The following SCN11A variants were observed in gnomAD, a reference collection of about 807,000 sequenced individuals.
SCN11A encodes sodium channel protein type 11 subunit alpha.
In SCN11A, 122 loss-of-function variants were observed where a neutral mutation model predicts 162.2. The ratio of observed to expected loss-of-function variants is 0.75; its 90% CI spans 0.65 to 0.87. The LOEUF is 0.87. Ranked by LOEUF, SCN11A falls within the 40% of genes least tolerant of loss-of-function variation. The pLI is 0.00. For missense variants in SCN11A, 2,015 were observed against 2,181.6 expected (o/e 0.92, Z 1.52); for synonymous variants, 758 against 751.5 (o/e 1.01, Z -0.14).
At chr3:38,894,451 G>T in intron 19 of SCN11A, 82 bp downstream of exon 19, 1 of 1,121,794 alleles carries the variant, frequency 8.9e-7, no homozygotes, top group Non-Finnish European at 1.3e-6. Context: ...CTTGCATAGT[G>T]CCTAGAAAAG....
chr3:38,921,808 T>C (rs915851897), intron 9 of SCN11A, among the ~76,000 whole-genome samples: 1 of 152,176 alleles, frequency 6.6e-6, no homozygotes, highest in Non-Finnish European at 1.5e-5. Flanking sequence ...CATTCATTCA[T>C]TCATTCAAGA....
At chr3:38,885,807 C>A (rs936172141) in intron 20 of SCN11A, among the ~76,000 whole-genome samples, 1 of 152,198 alleles carries the variant, frequency 6.6e-6, no homozygotes, top group Non-Finnish European at 1.5e-5. Context: ...ATTTCTTTGG[C>A]CCTCCAGGAG....
At chr3:38,951,009 C>T (rs1020883249) in intron 4 of SCN11A, among the ~76,000 whole-genome samples, 2 of 152,280 alleles carry the variant, frequency 1.3e-5, no homozygotes, top group South Asian at 2.1e-4. Flanking sequence ...ACAGCCCTCG[C>T]TCGCTCTAGG....
intron 12 of SCN11A, among the ~76,000 whole-genome samples, 190 bp from the exon 13 acceptor site, chr3:38,909,384 G>A (rs1412143201): frequency 5.9e-5 from 9 of 152,038 alleles, no homozygotes; most frequent in Non-Finnish European, 1.0e-4. Context: ...TCAGTGGGGA[G>A]ATACTATCCA....
rs538307237 is a variant in SCN11A, at chr3:38,891,945, G to T, written c.2835+2588C>A. Among the ~76,000 whole-genome samples the T allele has an allele frequency of 3.3e-3, 464 of 141,474 alleles. 1 individual carries two copies. Among genetic ancestry groups the T allele is most frequent in the Middle Eastern group, 7.9e-3 (2 of 254 alleles). 92.8% of individuals were successfully genotyped at this position (141,474 alleles called of 152,430 possible). A position where few individuals can be genotyped will look rare whatever the true frequency, so the allele number is the denominator to read the frequency against. ...TCTAAGAAGCCCAATGAAACCCCAAGTAGAAAAAACACAAAGAGATCCACA... is the reference window on the plus strand; with the variant it reads ...TCTAAGAAGCCCAATGAAACCCCAATTAGAAAAAACACAAAGAGATCCACA... On this transcript the variant is annotated intron_variant, in intron 19 of 29. Coordinates refer to ENST00000302328, the MANE Select transcript of SCN11A (RefSeq NM_001349253.2).
At chr3:38,879,084 T>C (rs913314091) in intron 23 of SCN11A, among the ~76,000 whole-genome samples, 4 of 152,118 alleles carry the variant, frequency 2.6e-5, no homozygotes, top group Non-Finnish European at 5.9e-5. Context: ...AAAAAAAGGA[T>C]GTAATGTTAA....
intron 3 of SCN11A, among the ~76,000 whole-genome samples, chr3:38,955,181 A>T (rs542357596): frequency 6.6e-6 from 1 of 152,194 alleles, no homozygotes; most frequent in African/African-American, 2.4e-5. Context: ...CCACCTACTC[A>T]GGAGGCTGAG....
Position 38,999,609 on chromosome 3 carries a change from C to T in SCN11A, c.-280+32771G>A, listed in dbSNP as rs1329320777. Among the ~76,000 whole-genome samples, 3 of 152,310 alleles carry T rather than the reference C, an allele frequency of 2.0e-5. No individual in the cohort carries two copies. In the South Asian group the frequency reaches 6.2e-4, roughly 32 times the overall value. On this transcript the variant is annotated intron_variant, in intron 2 of 29. Transcript: ENST00000302328. ...TTATTCCATCAGTCCTCCTCCATTG[C>T]TTTCATTATCTTAGTGAAATCCTTC... is the stretch of plus-strand genomic sequence containing the variant.
chr3:38,938,282 T>A (rs1164234160), intron 7 of SCN11A, among the ~76,000 whole-genome samples: 2 of 151,388 alleles, frequency 1.3e-5, no homozygotes, highest in African/African-American at 4.9e-5. Flanking sequence ...CTAATGCTAA[T>A]TGACGAGTTA....
At position 38,846,634 on chromosome 3, in the gene SCN11A, T is replaced by G. The variant is rs2064667654; in HGVS notation, c.*60A>C. 3 of 1,384,108 alleles carry G rather than the reference T, an allele frequency of 2.2e-6. No individual in the cohort carries two copies. The highest frequency in any genetic ancestry group is 1.8e-5 in the Admixed American group (1 of 56,244). The allele number at this position is 1,384,108 out of a possible 1,614,324, so 85.7% of individuals were successfully genotyped here. A position where few individuals can be genotyped will look rare whatever the true frequency, so the allele number is the denominator to read the frequency against. ...GTTGATACACTAAGCTGCTGACCCC[T>G]GGAGCTCAGAGGCTGAAGGCAAGGC... On this transcript the variant is annotated 3_prime_UTR_variant, in exon 30 of 30. Coordinates refer to ENST00000302328, the MANE Select transcript of SCN11A (RefSeq NM_001349253.2).
chr3:38,880,139 A>C lies in SCN11A; in HGVS notation c.3220-16T>G. On this transcript the variant is annotated splice_polypyrimidine_tract_variant and intron_variant, in intron 22 of 29. Coordinates refer to ENST00000302328, the MANE Select transcript of SCN11A (RefSeq NM_001349253.2). Reference sequence around the variant, plus strand: ...CTTCAAATATCTGAAATGAAAAAGCATAGCCATAGGCCAGGTTGAATATTT... The same window carrying C: ...CTTCAAATATCTGAAATGAAAAAGCCTAGCCATAGGCCAGGTTGAATATTT... The C allele has an allele frequency of 6.3e-7, 1 of 1,597,396 alleles. No individual in the cohort carries two copies. The highest frequency in any genetic ancestry group is 8.5e-7 in the Non-Finnish European group (1 of 1,170,026).
At chr3:38,914,480 T>A (rs1245793943) in intron 11 of SCN11A, among the ~76,000 whole-genome samples, 1 of 152,184 alleles carries the variant, frequency 6.6e-6, no homozygotes, top group African/African-American at 2.4e-5. Context: ...TGCCCTTTAT[T>A]TCTTTTTCTT....
Position 38,988,538 on chromosome 3 carries a change from C to G in SCN11A, c.-279-28115G>C, listed in dbSNP as rs114953487. 8.1e-3 allele frequency among the ~76,000 whole-genome samples: 1,238 copies of G among 152,254 alleles called. 9 individuals carry two copies. Among genetic ancestry groups the G allele is most frequent in the Middle Eastern group, 0.031 (9 of 294 alleles). On this transcript the variant is annotated intron_variant, in intron 2 of 29. Transcript: ENST00000302328. ...ATCTTTCCCCTGTCCAGCCCTTACT[C>G]CATCTCCCTGCCATTGTTTCTGAAA...
chr3:39,049,618 T>C (rs1424514264), intron 1 of SCN11A, among the ~76,000 whole-genome samples: 1 of 152,244 alleles, frequency 6.6e-6, no homozygotes, highest in Non-Finnish European at 1.5e-5. Flanking sequence ...CAGCGGTGGC[T>C]TGGTGATCCC....
chr3:38,872,310 GC>G lies in SCN11A; in HGVS notation c.3394-17del. 1.4e-6 allele frequency: 2 copies of G among 1,379,976 alleles called. No homozygotes were observed. Among genetic ancestry groups the G allele is most frequent in the Non-Finnish European group, 2.1e-6 (2 of 967,176 alleles). The allele number at this position is 1,379,976 out of a possible 1,614,324, so 85.5% of individuals were successfully genotyped here. A position where few individuals can be genotyped will look rare whatever the true frequency, so the allele number is the denominator to read the frequency against. On this transcript the variant is annotated splice_polypyrimidine_tract_variant and intron_variant, in intron 23 of 29. Transcript: ENST00000302328. ...TCACAGAGACCTGATGGGAAGAGAGGCCACAGATAATGTACCTGACTTGGTG... is the reference window on the plus strand; with the variant it reads ...TCACAGAGACCTGATGGGAAGAGAGGCACAGATAATGTACCTGACTTGGTG...
intron 20 of SCN11A, 83 bp from the exon 21 acceptor site, chr3:38,885,485 AT>A (rs1031427386): frequency 2.6e-6 from 2 of 779,968 alleles, no homozygotes; most frequent in Non-Finnish European, 4.4e-6. Flanking sequence ...TCATTGTCTG[AT>A]TTTTTAAGGA....
intron 2 of SCN11A, among the ~76,000 whole-genome samples, chr3:38,990,318 C>A (rs1443697435): frequency 1.3e-5 from 2 of 152,110 alleles, no homozygotes; most frequent in Non-Finnish European, 2.9e-5. Context: ...GGGCAGAGAC[C>A]GAACACAGAC....
chr3:38,894,490 C>T (rs2065553199), intron 19 of SCN11A, 43 bp downstream of exon 19: 1 of 1,497,286 alleles, frequency 6.7e-7, no homozygotes, highest in African/African-American at 1.4e-5. Flanking sequence ...TGTGATAACT[C>T]CAGCTTTGTA....
Position 38,847,416 on chromosome 3 carries a change from C to G in SCN11A, c.4654G>C (p.Gly1552Arg). 1 of 1,614,184 alleles carries G rather than the reference C, an allele frequency of 6.2e-7. No homozygotes were observed. The highest frequency in any genetic ancestry group is 8.5e-7 in the Non-Finnish European group (1 of 1,180,024). ...LCLFQISTSA[G>R]WDSLLSPMLR... is the part of the protein sequence containing the mutation. ...ATGGGGCTGAGCAGGGAATCCCAAC[C>G]TGCTGATGTGCTTATCTGGAAGAGA... is the stretch of plus-strand genomic sequence containing the variant. The change falls in exon 30 of 30, where the codon GGT becomes CGT. Residue 1552 changes from glycine (G) to arginine (R), a missense_variant. Physicochemically the swap from Gly to Arg is moderately radical, Grantham distance 125 (BLOSUM62 -2). Transcript: ENST00000302328.
Sources: allele counts gnomAD v4.1 joint callset (sites outside exome capture counted in the v4.1 genomes callset), GRCh38; gene constraint gnomAD v4.1.1; transcripts MANE v1.5; gene names NCBI Gene and HGNC (gene_info 2026-07-23, HGNC 2026-07-21).